PPP1R16A: variants seen among roughly 807,000 people sequenced by gnomAD.
PPP1R16A encodes the protein myosin phosphatase-targeting subunit 3.
PPP1R16A carries 39 observed loss-of-function variants against 46.6 expected under a neutral mutation model. That is an observed-to-expected ratio of 0.84 (90% CI 0.65 to 1.09). The LOEUF (loss-of-function observed/expected upper bound fraction) is 1.09. PPP1R16A is among the 50% of genes least tolerant of loss of function. The pLI is 0.00. For missense variants in PPP1R16A, 798 were observed against 735.6 expected, an observed-to-expected ratio of 1.08 and a Z score of -0.98; for synonymous variants, 413 against 321.5, an observed-to-expected ratio of 1.28 and a Z score of -3.04.
chr8:144,501,365 G>A (rs1487764837), intron 11 of PPP1R16A, 71 bp downstream of exon 11: 12 of 1,508,608 alleles, frequency 8.0e-6, no homozygotes, highest in African/African-American at 5.5e-5. Flanking sequence ...CTCTCCGCTT[G>A]GACCCCCTCC....
intron 3 of PPP1R16A, 99 bp from the exon 4 acceptor site, chr8:144,498,671 A>G: frequency 8.2e-7 from 1 of 1,223,072 alleles, no homozygotes; most frequent in Non-Finnish European, 1.1e-6. Context: ...CATCGGCACC[A>G]CTGTCTTCCT....
Position 144,501,004 on chromosome 8 carries a change from G to C in PPP1R16A, c.1037+33G>C, listed in dbSNP as rs958143655. On this transcript the variant is annotated intron_variant, in intron 10 of 11. Coordinates refer to ENST00000435887, the MANE Select transcript of PPP1R16A (RefSeq NM_001329443.2). ...CCGCCCCCAGCAGGCCCCGCCCCGG[G>C]CTTGGCCCCGCGGACGTCAGCCCCG... is the stretch of plus-strand genomic sequence containing the variant. 36 of 1,451,674 alleles carry C rather than the reference G, an allele frequency of 2.5e-5. 1 individual carries two copies. Among genetic ancestry groups the C allele is most frequent in the East Asian group, 2.5e-4 (9 of 36,606 alleles). The allele number at this position is 1,451,674 out of a possible 1,614,324, so 89.9% of individuals were successfully genotyped here. A position where few individuals can be genotyped will look rare whatever the true frequency, so the allele number is the denominator to read the frequency against.
chr8:144,485,212 CAAAAAAAA>C (rs749667274), intron 1 of PPP1R16A, among the ~76,000 whole-genome samples: 29,463 of 61,372 alleles, frequency 0.48, 5,943 homozygotes, highest in South Asian at 0.66. Flanking sequence ...AATAGAATCT[CAAAAAAAA>C]AAAAAAAAAA....
chr8:144,497,300 A>C lies in PPP1R16A; in HGVS notation c.106A>C (p.Met36Leu). Residue 36 changes from methionine (M) to leucine (L), a missense_variant, in exon 3 of 12, where the codon ATG (methionine) becomes CTG (leucine). Physicochemically the swap from Met to Leu is conservative, Grantham distance 15. Coordinates refer to ENST00000435887, the MANE Select transcript of PPP1R16A (RefSeq NM_001329443.2). ...GAAGCGGCGCGCCCAGCAGGTGAAG[A>C]TGTGGGCCCAGGCTGAGAAGGAGGC... The part of the protein sequence containing the change: ...AQKRRAQQVK[M>L]WAQAEKEAQG... 1.2e-6 allele frequency: 2 copies of C among 1,612,362 alleles called. No individual in the cohort carries two copies. The highest frequency in any genetic ancestry group is 1.7e-6 in the Non-Finnish European group (2 of 1,179,722).
chr8:144,501,117 T>TCTCCTCC lies in PPP1R16A; in HGVS notation c.1038-10_1038-4dup. The TCTCCTCC allele has an allele frequency of 6.2e-7, 1 of 1,609,846 alleles. No individual in the cohort carries two copies. The highest frequency in any genetic ancestry group is 1.7e-5 in the Admixed American group (1 of 59,956). Reference sequence around the variant, plus strand: ...CCCCTTCCCCTCACTCCCTCTCCTCTCTCCTCCCCAGGAAGGTGGTGAGGC... The same window carrying TCTCCTCC: ...CCCCTTCCCCTCACTCCCTCTCCTCTCTCCTCCCTCCTCCCCAGGAAGGTGGTGAGGC... On this transcript the variant is annotated splice_polypyrimidine_tract_variant and intron_variant, in intron 10 of 11. Coordinates refer to ENST00000435887, the MANE Select transcript of PPP1R16A (RefSeq NM_001329443.2).
chr8:144,480,625 T>G (rs946695304), intron 1 of PPP1R16A, among the ~76,000 whole-genome samples: 1 of 152,154 alleles, frequency 6.6e-6, no homozygotes, highest in Admixed American at 6.5e-5. Context: ...TAGCTGGGAC[T>G]ACAGGCGCAT....
chr8:144,499,340 G>A (rs566914729), intron 5 of PPP1R16A: 140 of 484,000 alleles, frequency 2.9e-4, no homozygotes, highest in African/African-American at 2.5e-3. Flanking sequence ...GAAATGTCTT[G>A]GTCAGTGAGG....
chr8:144,483,693 A>G (rs957203458), intron 1 of PPP1R16A, among the ~76,000 whole-genome samples: 2 of 141,134 alleles, frequency 1.4e-5, no homozygotes, highest in African/African-American at 5.2e-5. Context: ...GGCATGAGCC[A>G]CTGCGCCCGG....
intron 2 of PPP1R16A, among the ~76,000 whole-genome samples, chr8:144,495,082 T>C (rs1195694563): frequency 1.3e-5 from 2 of 152,198 alleles, no homozygotes; most frequent in African/African-American, 2.4e-5. Context: ...AAAAGCTCTT[T>C]ACTTGGCAGG....
At position 144,500,473 on chromosome 8, in the gene PPP1R16A, G is replaced by C; in HGVS notation, c.706-14G>C. The C allele has an allele frequency of 6.4e-7, 1 of 1,568,438 alleles. No homozygotes were observed. Among genetic ancestry groups the C allele is most frequent in the Non-Finnish European group, 8.6e-7 (1 of 1,166,178 alleles). ...GGGGATGGGGCCGAATTCAGGCCGG[G>C]CGCTTGCCTGCAGCTGCACGTCGCA... On this transcript the variant is annotated splice_polypyrimidine_tract_variant and intron_variant, in intron 7 of 11. Transcript: ENST00000435887.
intron 3 of PPP1R16A, chr8:144,497,976 C>T (rs1422925043): frequency 1.1e-5 from 5 of 452,574 alleles, no homozygotes; most frequent in Non-Finnish European, 2.2e-5. Flanking sequence ...CTTCTCCTCA[C>T]CTGTGCCCCA....
chr8:144,481,492 AAGTT>A (rs1825423566), intron 1 of PPP1R16A, among the ~76,000 whole-genome samples: 1 of 151,550 alleles, frequency 6.6e-6, no homozygotes, highest in Admixed American at 6.6e-5. Flanking sequence ...AAAATACAAA[AAGTT>A]AGCCAGGCAT....
At chr8:144,499,307 C>G (rs982082930) in intron 5 of PPP1R16A, 4 of 493,736 alleles carry the variant, frequency 8.1e-6, no homozygotes, top group African/African-American at 3.9e-5. Context: ...AGGCCTCGGG[C>G]CCCCCCCCAG....
chr8:144,498,717 A>G (rs748184675), intron 3 of PPP1R16A, 53 bp from the exon 4 acceptor site: 2 of 1,515,218 alleles, frequency 1.3e-6, no homozygotes, highest in Admixed American at 2.0e-5. Flanking sequence ...AGCACAGTTG[A>G]CAGGACCTGA....
chr8:144,501,674 A>C lies in PPP1R16A; in HGVS notation c.1358A>C (p.His453Pro), dbSNP rs770644138. ...TPHTLVHDKA[H>P]HTLADLKRQR... ...CACACCCTGGTCCACGACAAGGCCC[A>C]CCACACCCTGGCTGACCTGAAGCGC... is the stretch of plus-strand genomic sequence containing the variant. The change falls in exon 12 of 12, where the codon CAC becomes CCC. Residue 453 changes from histidine to proline, a missense_variant. Transcript: ENST00000435887. 6.2e-7 allele frequency: 1 copy of C among 1,609,182 alleles called. No homozygotes were observed. Among genetic ancestry groups the C allele is most frequent in the Non-Finnish European group, 8.5e-7 (1 of 1,178,468 alleles).
In PPP1R16A at chr8:144,500,216, G is replaced by A. The variant is rs986927795; in HGVS notation, c.580+17G>A. On this transcript the variant is annotated intron_variant, in intron 6 of 11. Transcript: ENST00000435887. ...CCGACCGTGGTAGGTGCGGCGGTGC[G>A]GCTGTGGGAGGGCTGCCGGTCGCGC... The A allele has an allele frequency of 3.8e-6, 6 of 1,593,210 alleles. No individual in the cohort carries two copies. The African/African-American group carries it at 8.1e-5, about 21-fold the overall frequency.
intron 3 of PPP1R16A, chr8:144,498,419 C>T (rs111778427): frequency 3.8e-4 from 131 of 345,138 alleles, no homozygotes; most frequent in African/African-American, 2.1e-3. Flanking sequence ...AGGGAAGAGC[C>T]GAAGGAGCTG....
chr8:144,488,462 A>C (rs1462853010), intron 1 of PPP1R16A, among the ~76,000 whole-genome samples: 1 of 152,104 alleles, frequency 6.6e-6, no homozygotes, highest in Non-Finnish European at 1.5e-5. Flanking sequence ...TGTTGGAGTC[A>C]GGGCTTGTAG....
Position 144,500,948 on chromosome 8 carries a change from C to T in PPP1R16A, c.1014C>T (p.Arg338=). Residue 338 remains arginine, a synonymous_variant, in exon 10 of 12, where the codon CGC becomes CGT. Coordinates refer to ENST00000435887, the MANE Select transcript of PPP1R16A (RefSeq NM_001329443.2). ...GCCAGCGCTCCTTGCTGCGCCGCCG[C>T]ACCTCCAGCGCCGGCAGCCGCGGGT... ...QSRQRSLLRR[R]TSSAGSRGKV... is the part of the protein sequence containing the mutation. 1 of 1,495,548 alleles carries T rather than the reference C, an allele frequency of 6.7e-7. No homozygotes were observed. The allele number at this position is 1,495,548 out of a possible 1,614,324, so 92.6% of individuals were successfully genotyped here.
Sources: allele counts gnomAD v4.1 joint callset (sites outside exome capture counted in the v4.1 genomes callset), GRCh38; gene constraint gnomAD v4.1.1; transcripts MANE v1.5; gene names NCBI Gene and HGNC (gene_info 2026-07-23, HGNC 2026-07-21).